The following MYOM1 variants were observed in gnomAD, a reference collection of about 807,000 sequenced individuals.
MYOM1 encodes myomesin 1.
A neutral mutation model predicts 205.3 loss-of-function variants in MYOM1; 164 were observed. The observed-to-expected ratio is 0.80, with a 90% CI of 0.70 to 0.91. MYOM1 has a LOEUF of 0.91. Among genes scored for constraint, MYOM1 ranks in the 40% least tolerant of loss-of-function variants. The pLI is 0.00. For synonymous variants in MYOM1, 772 were observed against 789.4 expected (o/e 0.98, Z 0.37); for missense variants, 2,011 against 2,127.3 (o/e 0.95, Z 1.08).
At chr18:3,139,879 T>C (rs947317397) in intron 14 of MYOM1, among the ~76,000 whole-genome samples, 1 of 152,208 alleles carries the variant, frequency 6.6e-6, no homozygotes, top group Non-Finnish European at 1.5e-5. Flanking sequence ...AGAGTTTATA[T>C]GACCAGAGGA....
chr18:3,172,537 T>G (rs1203081801), intron 8 of MYOM1, among the ~76,000 whole-genome samples: 1 of 151,004 alleles, frequency 6.6e-6, no homozygotes, highest in Non-Finnish European at 1.5e-5. Context: ...TGAGATGGAG[T>G]CTCACTCTGT....
chr18:3,110,029 T>C (rs1359941491), intron 22 of MYOM1, among the ~76,000 whole-genome samples: 2 of 152,184 alleles, frequency 1.3e-5, no homozygotes, highest in African/African-American at 4.8e-5. Flanking sequence ...CCCACTTTTC[T>C]TTCTCTTCCC....
Position 3,215,107 on chromosome 18 carries a change from G to T in MYOM1, c.117C>A (p.Tyr39Ter), listed in dbSNP as rs375113650. The T allele has an allele frequency of 6.2e-7, 1 of 1,613,862 alleles. No individual in the cohort carries two copies. Among genetic ancestry groups the T allele is most frequent in the Non-Finnish European group, 8.5e-7 (1 of 1,179,868 alleles). ...TGCTGTAGGCCGTGGAGCCCTGGGT[G>T]TAGACGGCGGAGCGTTTCTTCTCCC... The part of the protein sequence containing the change: ...YQREKKRSAV[Y>*]TQGSTAYSSR... The change falls in exon 2 of 38, where the codon TAC becomes TAA. Residue 39 changes from tyrosine to a stop codon, truncating the protein, a stop_gained. Transcript: ENST00000356443. LOFTEE classifies it high-confidence loss of function.
chr18:3,101,467 A>G (rs2079374448), intron 23 of MYOM1, among the ~76,000 whole-genome samples: 1 of 152,216 alleles, frequency 6.6e-6, no homozygotes, highest in Non-Finnish European at 1.5e-5. Flanking sequence ...ATAGAAAAAG[A>G]AATCCGAGGT....
At chr18:3,142,966 G>A (rs1389615944) in intron 13 of MYOM1, among the ~76,000 whole-genome samples, 1 of 152,038 alleles carries the variant, frequency 6.6e-6, no homozygotes, top group East Asian at 1.9e-4. Context: ...GGGTACAGAA[G>A]AAATATTTAA....
chr18:3,213,556 C>G (rs2081217229), intron 2 of MYOM1, among the ~76,000 whole-genome samples: 1 of 152,164 alleles, frequency 6.6e-6, no homozygotes, highest in South Asian at 2.1e-4. Context: ...ATCTGCCCAA[C>G]ATTCATCAGG....
intron 14 of MYOM1, among the ~76,000 whole-genome samples, chr18:3,136,996 G>C (rs2079977080): frequency 1.3e-5 from 2 of 151,206 alleles, no homozygotes; most frequent in African/African-American, 4.9e-5. Context: ...GGTCGCCCAG[G>C]CTGGAGTGCA....
the MYOM1 span, among the ~76,000 whole-genome samples, chr18:3,232,012 T>G: frequency 2.0e-5 from 3 of 152,212 alleles, no homozygotes; most frequent in South Asian, 6.2e-4. Context: ...TCCTTGCTTT[T>G]TTTAATTATA....
chr18:3,237,338 C>T, the MYOM1 span, among the ~76,000 whole-genome samples: 4 of 152,110 alleles, frequency 2.6e-5, no homozygotes, highest in African/African-American at 4.8e-5. Flanking sequence ...TGGTGGCTCA[C>T]GCCTGTAATC....
chr18:3,085,872 C>T (rs2079147196), intron 30 of MYOM1, among the ~76,000 whole-genome samples, 166 bp downstream of exon 30: 1 of 152,162 alleles, frequency 6.6e-6, no homozygotes, highest in South Asian at 2.1e-4. Context: ...CTAACAAATC[C>T]ACACACATCA....
the MYOM1 span, among the ~76,000 whole-genome samples, chr18:3,229,299 G>A: frequency 2.0e-5 from 3 of 151,070 alleles, no homozygotes; most frequent in African/African-American, 7.3e-5. Flanking sequence ...CATATTCTAG[G>A]ACAATTAACT....
chr18:3,095,149 G>A (rs1329021467), intron 25 of MYOM1, among the ~76,000 whole-genome samples: 1 of 152,142 alleles, frequency 6.6e-6, no homozygotes, highest in Non-Finnish European at 1.5e-5. Context: ...GGGCTCAGAT[G>A]TCATCTATTG....
chr18:3,103,010 A>G (rs528009387), intron 22 of MYOM1, among the ~76,000 whole-genome samples: 2 of 152,382 alleles, frequency 1.3e-5, no homozygotes, highest in East Asian at 3.9e-4. Context: ...TCCACATGCA[A>G]TCAGTCATCA....
chr18:3,072,460 T>C (rs2078971469), intron 36 of MYOM1, among the ~76,000 whole-genome samples: 1 of 149,430 alleles, frequency 6.7e-6, no homozygotes, highest in African/African-American at 2.5e-5. Context: ...TTCAAGTGAT[T>C]CTCCTGCCTC....
intron 17 of MYOM1, among the ~76,000 whole-genome samples, chr18:3,130,013 A>G (rs2079851406): frequency 6.6e-6 from 1 of 152,056 alleles, no homozygotes; most frequent in African/African-American, 2.4e-5. Flanking sequence ...AGAATGGTTC[A>G]CATTATAAGG....
Position 3,187,556 on chromosome 18 carries a change from A to G in MYOM1, c.853T>C (p.Ser285Pro). Residue 285 changes from serine to proline, a missense_variant, in exon 5 of 38, where the codon TCC becomes CCC. Coordinates refer to ENST00000356443, the MANE Select transcript of MYOM1 (RefSeq NM_003803.4). ...TTCTCCTTCTCCCAAACCGTGTGGG[A>G]GCGAGGTTTAATGATAAACTCAGGA... ...HAPEFIIKPRSHTVWEKENVK... is the reference protein window; with the variant it reads ...HAPEFIIKPRPHTVWEKENVK... The G allele has an allele frequency of 6.2e-7, 1 of 1,613,924 alleles. No individual in the cohort carries two copies. Among genetic ancestry groups the G allele is most frequent in the African/African-American group, 1.3e-5 (1 of 75,038 alleles).
At chr18:3,217,369 G>A (rs1321744288) in intron 1 of MYOM1, among the ~76,000 whole-genome samples, 1 of 152,192 alleles carries the variant, frequency 6.6e-6, no homozygotes, top group Non-Finnish European at 1.5e-5. Context: ...TGACTCCAAG[G>A]TTTTTGCCTG....
chr18:3,083,427 C>CTTTTTTTTTTTT (rs35959808), intron 33 of MYOM1, among the ~76,000 whole-genome samples: 59 of 98,520 alleles, frequency 6.0e-4, no homozygotes, highest in East Asian at 9.0e-4. Context: ...TTTTCTTTTT[C>CTTTTTTTTTTTT]TTTTTTTTTT....
intron 3 of MYOM1, among the ~76,000 whole-genome samples, chr18:3,190,898 A>G (rs1187461312): frequency 1.2e-4 from 19 of 152,188 alleles, no homozygotes; most frequent in Admixed American, 1.2e-3. Context: ...CTGATACTGG[A>G]TATGTTGGCA....
Sources: allele counts gnomAD v4.1 joint callset (sites outside exome capture counted in the v4.1 genomes callset), GRCh38; gene constraint gnomAD v4.1.1; transcripts MANE v1.5; gene names NCBI Gene and HGNC (gene_info 2026-07-23, HGNC 2026-07-21).